IL1RAPL1: variants seen among roughly 807,000 people sequenced by gnomAD.
IL1RAPL1 encodes the protein interleukin 1 receptor accessory protein like 1.
IL1RAPL1 carries 3 observed loss-of-function variants against 48.4 expected under a neutral mutation model. That is an observed-to-expected ratio of 0.06 (90% CI 0.03 to 0.16). IL1RAPL1 has a LOEUF of 0.16. Ranked by LOEUF, IL1RAPL1 falls within the 10% of genes least tolerant of loss-of-function variation. IL1RAPL1 has a pLI of 1.00. For missense variants in IL1RAPL1, 349 were observed against 530.6 expected (o/e 0.66, Z 3.36); for synonymous variants, 185 against 187.7 (o/e 0.99, Z 0.12).
At position 28,597,562 on chromosome X, in the gene IL1RAPL1, T is replaced by A. The variant is rs757249725; in HGVS notation, c.-25+9515T>A. On this transcript the variant is annotated intron_variant, in intron 1 of 10. Coordinates refer to ENST00000378993, the MANE Select transcript of IL1RAPL1 (RefSeq NM_014271.4). ...GCCTGACCAGCATGGTGAAACCCCGTCTCTACTAAAAATACAAAATTAGCC... is the reference window on the plus strand; with the variant it reads ...GCCTGACCAGCATGGTGAAACCCCGACTCTACTAAAAATACAAAATTAGCC... Among the ~76,000 whole-genome samples, 6 of 110,378 alleles carry A rather than the reference T, an allele frequency of 5.4e-5. No individual in the cohort carries two copies. In the South Asian group the frequency reaches 2.3e-3, roughly 43 times the overall value.
At chrX:29,444,358 G>C (rs868091325) in intron 5 of IL1RAPL1, among the ~76,000 whole-genome samples, 1 of 102,607 alleles carries the variant, frequency 9.7e-6, no homozygotes, top group Non-Finnish European at 2.0e-5. Context: ...AAAAAAAAAA[G>C]AAAAGAAAGA....
chrX:28,801,037 A>G (rs1413554889), intron 2 of IL1RAPL1, among the ~76,000 whole-genome samples: 2 of 109,263 alleles, frequency 1.8e-5, no homozygotes, highest in Non-Finnish European at 3.8e-5. Context: ...ACCCGCCACC[A>G]TGCCCAGCTA....
intron 5 of IL1RAPL1, among the ~76,000 whole-genome samples, chrX:29,471,323 G>A (rs1428799960): frequency 9.0e-6 from 1 of 111,624 alleles, no homozygotes; most frequent in Non-Finnish European, 1.9e-5. Context: ...AGAAGAACTA[G>A]AGGAAAAAGT....
At chrX:29,582,405 T>TA (rs1276964080) in intron 5 of IL1RAPL1, among the ~76,000 whole-genome samples, 1 of 105,429 alleles carries the variant, frequency 9.5e-6, no homozygotes, top group Non-Finnish European at 1.9e-5. Flanking sequence ...TATTTTTTTT[T>TA]ATCATACTTT....
At position 29,866,370 on chromosome X, in the gene IL1RAPL1, C is replaced by G. The variant is rs762139836; in HGVS notation, c.779-51094C>G. On this transcript the variant is annotated intron_variant, in intron 6 of 10. Transcript: ENST00000378993. ...AGACAGGAAAGACCACCAGAAAGTACGTAGTAGAATATCTTGGGATAATGA... is the reference window on the plus strand; with the variant it reads ...AGACAGGAAAGACCACCAGAAAGTAGGTAGTAGAATATCTTGGGATAATGA... Among the ~76,000 whole-genome samples the G allele has an allele frequency of 9.9e-5, 11 of 110,857 alleles. No individual in the cohort carries two copies. The South Asian group carries it at 3.9e-3, about 39-fold the overall frequency.
chrX:29,315,435 C>CTT (rs1323211922), intron 3 of IL1RAPL1, among the ~76,000 whole-genome samples: 1 of 111,294 alleles, frequency 9.0e-6, no homozygotes, highest in Non-Finnish European at 1.9e-5. Flanking sequence ...CTTAAAATTG[C>CTT]CTCCGTCTTG....
At chrX:28,606,949 A>T (rs183446565) in intron 1 of IL1RAPL1, among the ~76,000 whole-genome samples, 1 of 111,598 alleles carries the variant, frequency 9.0e-6, no homozygotes, top group African/African-American at 3.2e-5. Context: ...TGTAGGTTTT[A>T]GTGTGCGGGA....
chrX:29,917,051 G>A (rs1206188590), intron 6 of IL1RAPL1, among the ~76,000 whole-genome samples: 1 of 112,113 alleles, frequency 8.9e-6, no homozygotes, highest in Non-Finnish European at 1.9e-5. Context: ...TCGAGACTGA[G>A]AAACACCTTC....
chrX:29,682,649 T>A (rs1926492663), intron 6 of IL1RAPL1, among the ~76,000 whole-genome samples: 1 of 112,594 alleles, frequency 8.9e-6, no homozygotes, highest in Non-Finnish European at 1.9e-5. Context: ...AATGTTTTCA[T>A]CTTTACATCC....
chrX:29,361,561 A>ACG (rs1569294772), intron 3 of IL1RAPL1, among the ~76,000 whole-genome samples: 2 of 108,005 alleles, frequency 1.9e-5, no homozygotes, highest in African/African-American at 7.3e-5. Context: ...ACACACACAC[A>ACG]CACACACACA....
intron 6 of IL1RAPL1, among the ~76,000 whole-genome samples, chrX:29,792,299 C>G (rs1929654568): frequency 2.7e-5 from 3 of 111,930 alleles, no homozygotes; most frequent in Non-Finnish European, 5.6e-5. Flanking sequence ...GCATCTACCT[C>G]CAACTACTGG....
chrX:28,703,735 C>T (rs943965083), intron 1 of IL1RAPL1, among the ~76,000 whole-genome samples: 9 of 111,836 alleles, frequency 8.0e-5, no homozygotes, highest in Non-Finnish European at 1.3e-4. Flanking sequence ...ACATCAAAAT[C>T]GCCTTACATG....
At chrX:29,951,757 G>T (rs1294884901) in intron 9 of IL1RAPL1, among the ~76,000 whole-genome samples, 1 of 111,909 alleles carries the variant, frequency 8.9e-6, no homozygotes, top group Non-Finnish European at 1.9e-5. Context: ...AGCTTGTTAC[G>T]TTGTGAGCAT....
intron 2 of IL1RAPL1, among the ~76,000 whole-genome samples, chrX:28,968,364 A>G (rs908713732): frequency 3.6e-5 from 4 of 111,263 alleles, no homozygotes; most frequent in Non-Finnish European, 5.7e-5. Context: ...ATGGAAGTTC[A>G]AAAATGCAAA....
At chrX:29,201,841 C>T (rs865948894) in intron 2 of IL1RAPL1, among the ~76,000 whole-genome samples, 4 of 111,009 alleles carry the variant, frequency 3.6e-5, no homozygotes, top group South Asian at 3.8e-4. Context: ...AACAGGCATG[C>T]GCCACCACGC....
At chrX:29,041,831 C>T (rs778779165) in intron 2 of IL1RAPL1, among the ~76,000 whole-genome samples, 4 of 112,233 alleles carry the variant, frequency 3.6e-5, no homozygotes, top group East Asian at 2.8e-4. Context: ...CACTAAAGCA[C>T]GGACATTCTG....
intron 1 of IL1RAPL1, among the ~76,000 whole-genome samples, chrX:28,734,800 A>G (rs1450201476): frequency 8.9e-6 from 1 of 111,764 alleles, no homozygotes; most frequent in African/African-American, 3.2e-5. Flanking sequence ...TTTTGTAGGC[A>G]CTCAATAAAT....
At chrX:29,418,090 A>AT (rs1934239859) in intron 5 of IL1RAPL1, among the ~76,000 whole-genome samples, 3 of 51,047 alleles carry the variant, frequency 5.9e-5, no homozygotes, top group Non-Finnish European at 9.6e-5. Context: ...TTAAAAAAGT[A>AT]ATATATATAT....
At chrX:28,626,771 C>T (rs1187295762) in intron 1 of IL1RAPL1, among the ~76,000 whole-genome samples, 1 of 112,518 alleles carries the variant, frequency 8.9e-6, no homozygotes, top group East Asian at 2.8e-4. Context: ...CACTGTCATT[C>T]AGACCTTCGC....
Sources: gnomAD v4.1 joint callset for allele counts (sites outside exome capture counted in the v4.1 genomes callset) on GRCh38, gnomAD v4.1.1 for gene constraint, MANE v1.5 for transcripts, NCBI Gene and HGNC (gene_info 2026-07-23, HGNC 2026-07-21) for gene names.